Variants in RECQL5 observed in about 807,000 individuals in gnomAD.
RECQL5 encodes the protein ATP-dependent DNA helicase Q5.
In RECQL5, 88 loss-of-function variants were observed where a neutral mutation model predicts 103.4. The ratio of observed to expected loss-of-function variants is 0.85; its 90% CI spans 0.72 to 1.02. The LOEUF (loss-of-function observed/expected upper bound fraction) is 1.02, where lower values mean the gene tolerates loss of function less well. RECQL5 is among the 50% of genes least tolerant of loss of function. RECQL5 has a pLI of 0.00. For synonymous variants in RECQL5, 552 were observed against 507.9 expected, an observed-to-expected ratio of 1.09 and a Z score of -1.17; for missense variants, 1,232 against 1,284.3, an observed-to-expected ratio of 0.96 and a Z score of 0.62.
intron 7 of RECQL5, 94 bp from the exon 8 acceptor site, chr17:75,651,359 C>T (rs191420400): frequency 1.9e-5 from 27 of 1,417,216 alleles, no homozygotes; most frequent in Non-Finnish European, 2.4e-5. Context: ...CGGTGGCTCA[C>T]GGCTGTAATC....
intron 8 of RECQL5, chr17:75,650,779 G>C: frequency 6.4e-7 from 1 of 1,573,886 alleles, no homozygotes; most frequent in Non-Finnish European, 8.6e-7. Flanking sequence ...GAGGTAAGTG[G>C]GGCCACAGGC....
chr17:75,629,351 TGCTCGCCTCCCC>T lies in RECQL5; in HGVS notation c.2060_2071del (p.Arg687_Glu690del), dbSNP rs772656258. On this transcript the variant is annotated inframe_deletion, in exon 16 of 20. Coordinates refer to ENST00000317905, the MANE Select transcript of RECQL5 (RefSeq NM_004259.7). ...GCCACAGGGCCGGCTCGGGGGCTCG[TGCTCGCCTCCCC>T]GCTCGGGCTGGGGGGCTTGCTCCCT... 3 of 1,514,344 alleles carry T rather than the reference TGCTCGCCTCCCC, an allele frequency of 2.0e-6. No individual in the cohort carries two copies. The South Asian group carries it at 4.0e-5, about 20-fold the overall frequency. The allele number at this position is 1,514,344 out of a possible 1,614,324, so 93.8% of individuals were successfully genotyped here.
Position 75,630,974 on chromosome 17 carries a change from C to A in RECQL5, c.1585G>T (p.Asp529Tyr). ...CCTCCAGGAACATTTCTGTACTGAC[C>A]TGGGGGTACAAATTCTTCTATCTTG... ...DPKIEEFVPPDENCPLKEASS... is the reference protein window; with the variant it reads ...DPKIEEFVPPYENCPLKEASS... Residue 529 changes from aspartate to tyrosine, a missense_variant and splice_region_variant, in exon 11 of 20, where the codon GAT becomes TAT. Transcript: ENST00000317905. 1 of 1,613,802 alleles carries A rather than the reference C, an allele frequency of 6.2e-7. No individual in the cohort carries two copies. The highest frequency in any genetic ancestry group is 8.5e-7 in the Non-Finnish European group (1 of 1,179,886).
In RECQL5 at chr17:75,640,636, G is replaced by A. The variant is rs2059419238; in HGVS notation, c.1230-8968C>T. On this transcript the variant is annotated intron_variant, in intron 8 of 19. Transcript: ENST00000317905. This position sits in a 1 kb window ranked among gnomAD's most constrained non-coding sequence, Gnocchi z 4.6. The stretch of plus-strand genomic sequence containing the variant: ...GGTTGGCCCTGGCGGCTGGCATGGG[G>A]ACCGTCCGCACCTCTCACCAGCCTC... 1.3e-5 allele frequency among the ~76,000 whole-genome samples: 2 copies of A among 152,152 alleles called. No homozygotes were observed. The highest frequency in any genetic ancestry group is 4.8e-5 in the African/African-American group (2 of 41,440).
In RECQL5 at chr17:75,658,396, C is replaced by T; in HGVS notation, c.1051G>A (p.Gly351Ser). 1 of 1,614,076 alleles carries T rather than the reference C, an allele frequency of 6.2e-7. No individual in the cohort carries two copies. The highest frequency in any genetic ancestry group is 2.2e-5 in the East Asian group (1 of 44,884). The change falls in exon 7 of 20, where the codon GGC (glycine) becomes AGC (serine). Residue 351 changes from glycine (G) to serine (S), a missense_variant. By Grantham distance (56) the Gly-to-Ser change is moderately conservative (BLOSUM62 0). Coordinates refer to ENST00000317905, the MANE Select transcript of RECQL5 (RefSeq NM_004259.7). ...CACCAGGAAGGCTTCCCATCCCTGC[C>T]AGCCCGGCCAGACTCCTGGTAGTAC... is the stretch of plus-strand genomic sequence containing the variant. ...AGYYQESGRA[G>S]RDGKPSWCRL...
rs146609259 is a variant in RECQL5 at position 75,634,619 on chromosome 17, G to T, written c.1230-2951C>A. Reference sequence around the variant, plus strand: ...AGAGCCCTGTCGAGGTCAGCGCAGGGTCTGCCCAGCCAGCATGCGGCGCCC... The same window carrying T: ...AGAGCCCTGTCGAGGTCAGCGCAGGTTCTGCCCAGCCAGCATGCGGCGCCC... On this transcript the variant is annotated intron_variant, in intron 8 of 19. Transcript: ENST00000317905. 8.1e-4 allele frequency among the ~76,000 whole-genome samples: 123 copies of T among 152,332 alleles called. No homozygotes were observed. In the Middle Eastern group the frequency reaches 0.014, roughly 17 times the overall value.
rs1336306886 is a variant in RECQL5 at position 75,631,760 on chromosome 17, C to A, written c.1230-92G>T. 1.7e-5 allele frequency: 22 copies of A among 1,324,002 alleles called. No individual in the cohort carries two copies. The South Asian group carries it at 2.9e-4, about 17-fold the overall frequency. 82.0% of individuals were successfully genotyped at this position (1,324,002 alleles called of 1,614,324 possible). ...GCCTGAATCGCTAGCTGAGCGAGCA[C>A]TGCCGCGTCCGGCACCATGCCGGGA... is the stretch of plus-strand genomic sequence containing the variant. On this transcript the variant is annotated intron_variant, in intron 8 of 19. Coordinates refer to ENST00000317905, the MANE Select transcript of RECQL5 (RefSeq NM_004259.7).
At chr17:75,641,634 A>G (rs112395083) in intron 8 of RECQL5, among the ~76,000 whole-genome samples, 1 of 152,186 alleles carries the variant, frequency 6.6e-6, no homozygotes, top group Admixed American at 6.5e-5. Flanking sequence ...CTGAGGCACT[A>G]CTCTGCAGAG....
Position 75,636,981 on chromosome 17 carries a change from CCTGCTG to C in RECQL5, c.1230-5319_1230-5314del, listed in dbSNP as rs988107289. The C allele has an allele frequency of 7.2e-5, 11 of 152,382 alleles. No homozygotes were observed. The highest frequency in any genetic ancestry group is 2.4e-4 in the African/African-American group (10 of 41,586). The allele number at this position is 152,382 out of a possible 1,614,324, so 9.4% of individuals were successfully genotyped here. A position where few individuals can be genotyped will look rare whatever the true frequency, so the allele number is the denominator to read the frequency against. Reference sequence around the variant, plus strand: ...GCTATGACACTGTCCACAGCCGCAGCCTGCTGCTGCTGGGAACTGACACTTTTCCCC... The same window carrying C: ...GCTATGACACTGTCCACAGCCGCAGCCTGCTGGGAACTGACACTTTTCCCC... On this transcript the variant is annotated intron_variant, in intron 8 of 19. Transcript: ENST00000317905. The surrounding 1 kb of genome is among the most constrained non-coding windows in gnomAD (Gnocchi z 5.4).
intron 5 of RECQL5, among the ~76,000 whole-genome samples, 176 bp downstream of exon 5, chr17:75,661,430 T>A (rs2059697772): frequency 6.6e-6 from 1 of 152,276 alleles, no homozygotes; most frequent in Admixed American, 6.5e-5. Flanking sequence ...ATTCTCATTT[T>A]AGACCTCATT....
At chr17:75,659,304 C>T (rs2059668685) in intron 6 of RECQL5, among the ~76,000 whole-genome samples, 1 of 152,170 alleles carries the variant, frequency 6.6e-6, no homozygotes, top group Non-Finnish European at 1.5e-5. Flanking sequence ...TCATGATCCG[C>T]CTGCCTCGGC....
intron 15 of RECQL5, 59 bp downstream of exon 15, chr17:75,629,649 A>G: frequency 6.4e-7 from 1 of 1,552,852 alleles, no homozygotes; most frequent in African/African-American, 1.4e-5. Context: ...CCCTGAGGGC[A>G]GAGGGGAAGT....
intron 13 of RECQL5, 92 bp from the exon 14 acceptor site, chr17:75,630,369 G>A: frequency 8.3e-7 from 1 of 1,205,712 alleles, no homozygotes; most frequent in Non-Finnish European, 1.2e-6. Flanking sequence ...GGTGGGGTAG[G>A]CCTTGGGCAC....
At chr17:75,650,083 C>T (rs1392583922) in intron 8 of RECQL5, 5 of 985,660 alleles carry the variant, frequency 5.1e-6, no homozygotes, top group Non-Finnish European at 6.0e-6. Context: ...ACACTTGGCC[C>T]TTTCATTCCT....
At chr17:75,652,138 A>G (rs2059563622) in intron 7 of RECQL5, among the ~76,000 whole-genome samples, 1 of 152,142 alleles carries the variant, frequency 6.6e-6, no homozygotes, top group African/African-American at 2.4e-5. Context: ...GAGGCAGGAG[A>G]ATCACTTGAA....
chr17:75,630,489 A>G, intron 13 of RECQL5, 130 bp downstream of exon 13: 1 of 1,039,516 alleles, frequency 9.6e-7, no homozygotes, highest in Non-Finnish European at 1.5e-6. Context: ...TTGTAGGGGC[A>G]GTCCCCTGGA....
intron 9 of RECQL5, 37 bp downstream of exon 9, chr17:75,631,413 T>C: frequency 6.3e-7 from 1 of 1,595,074 alleles, no homozygotes; most frequent in Non-Finnish European, 8.6e-7. Context: ...GCCAGGCAAT[T>C]CCAGCGGGTT....
rs2059333337 is a variant in RECQL5, at chr17:75,636,898, A to G, written c.1230-5230T>C. On this transcript the variant is annotated intron_variant, in intron 8 of 19. Coordinates refer to ENST00000317905, the MANE Select transcript of RECQL5 (RefSeq NM_004259.7). The surrounding 1 kb of genome is among the most constrained non-coding windows in gnomAD (Gnocchi z 5.4). ...ACCCTGGGGCTGGGTGAGGCTGGCC[A>G]TGCCTGGCTGGCAAATTCAGCTTCC... The G allele has an allele frequency of 6.6e-6, 1 of 152,284 alleles. No homozygotes were observed. The highest frequency in any genetic ancestry group is 2.4e-5 in the African/African-American group (1 of 41,458). 9.4% of individuals were successfully genotyped at this position (152,284 alleles called of 1,614,324 possible). A position where few individuals can be genotyped will look rare whatever the true frequency, so the allele number is the denominator to read the frequency against.
chr17:75,664,708 T>A (rs1397467852), intron 3 of RECQL5, among the ~76,000 whole-genome samples: 4 of 149,982 alleles, frequency 2.7e-5, no homozygotes, highest in Non-Finnish European at 4.4e-5. Context: ...AGGTCAGGAG[T>A]TTGAGACCAG....
Sources: gnomAD v4.1 joint callset for allele counts (sites outside exome capture counted in the v4.1 genomes callset) on GRCh38, gnomAD v4.1.1 for gene constraint, Gnocchi (gnomAD v3.1) non-coding constraint, MANE v1.5 for transcripts, NCBI Gene and HGNC (gene_info 2026-07-23, HGNC 2026-07-21) for gene names.